The following TMEM120B variants were observed in gnomAD, a reference collection of about 807,000 sequenced individuals.
The protein encoded by TMEM120B is transmembrane protein 120B.
TMEM120B carries 31 observed loss-of-function variants against 55.5 expected under a neutral mutation model. The ratio of observed to expected loss-of-function variants is 0.56; its 90% CI spans 0.42 to 0.75. The LOEUF (loss-of-function observed/expected upper bound fraction) is 0.75, where lower values mean the gene tolerates loss of function less well. TMEM120B is among the 30% of genes least tolerant of loss of function. TMEM120B has a pLI of 0.00. For missense variants in TMEM120B, 399 were observed against 425.5 expected, an observed-to-expected ratio of 0.94 and a Z score of 0.55; for synonymous variants, 203 against 176.3, an observed-to-expected ratio of 1.15 and a Z score of -1.20.
chr12:121,719,412 C>T (rs546319436), intron 1 of TMEM120B, among the ~76,000 whole-genome samples: 1 of 152,054 alleles, frequency 6.6e-6, no homozygotes, highest in Non-Finnish European at 1.5e-5. Flanking sequence ...TAGTAAGACC[C>T]TGACTCTACA....
At position 121,780,840 on chromosome 12, in the gene TMEM120B, G is replaced by T. The variant is rs531030710; in HGVS notation, c.*5118G>T. 1 of 1,600,228 alleles carries T rather than the reference G, an allele frequency of 6.2e-7. No individual in the cohort carries two copies. On this transcript the variant is annotated 3_prime_UTR_variant, in exon 12 of 12. Transcript: ENST00000449592. ...AAGGTCCGGGAGGCTTCACAGCCAC[G>T]GCTGTGCCCCAGGGTCTTGGCCCCG...
intron 8 of TMEM120B, among the ~76,000 whole-genome samples, chr12:121,772,996 T>C (rs781584788): frequency 2.0e-5 from 3 of 152,238 alleles, no homozygotes; most frequent in Non-Finnish European, 2.9e-5. Flanking sequence ...TTATCATGGC[T>C]ATTTTTCATG....
At chr12:121,742,826 C>T (rs1352925351) in intron 1 of TMEM120B, among the ~76,000 whole-genome samples, 2 of 152,144 alleles carry the variant, frequency 1.3e-5, no homozygotes, top group Admixed American at 6.5e-5. Flanking sequence ...CTACCTGCCT[C>T]AGCCTCCCAA....
At chr12:121,737,560 C>G (rs1329119529) in intron 1 of TMEM120B, among the ~76,000 whole-genome samples, 2 of 151,966 alleles carry the variant, frequency 1.3e-5, no homozygotes, top group Non-Finnish European at 2.9e-5. Flanking sequence ...CGTTGGGACT[C>G]AGGTTAGTTT....
At chr12:121,735,693 G>A (rs1193417698) in intron 1 of TMEM120B, among the ~76,000 whole-genome samples, 10 of 149,586 alleles carry the variant, frequency 6.7e-5, no homozygotes, top group African/African-American at 1.2e-4. Flanking sequence ...CACCGTGCCC[G>A]GCCTTTTTTT....
intron 1 of TMEM120B, among the ~76,000 whole-genome samples, 163 bp downstream of exon 1, chr12:121,713,127 C>T (rs1217756635): frequency 6.6e-6 from 1 of 151,674 alleles, no homozygotes; most frequent in African/African-American, 2.4e-5. Flanking sequence ...CCTCCCATCA[C>T]CCGGCGCTTC....
chr12:121,747,166 C>T (rs1873111614), intron 2 of TMEM120B, among the ~76,000 whole-genome samples: 1 of 152,012 alleles, frequency 6.6e-6, no homozygotes, highest in Admixed American at 6.6e-5. Context: ...TAAGGACTTT[C>T]TGAAAGTCAC....
chr12:121,712,902 G>C lies in TMEM120B; in HGVS notation c.7G>C (p.Gly3Arg). MS[G>R]QLERCEREWH... ...CGCCTTGCACCATCGCATCATGTCC[G>C]GGCAGCTGGAGCGTTGCGAGCGCGA... The change falls in exon 1 of 12, where the codon GGG becomes CGG. Residue 3 changes from glycine (G) to arginine (R), a missense_variant. Gly to Arg is a moderately radical substitution (Grantham distance 125). Coordinates refer to ENST00000449592, the MANE Select transcript of TMEM120B (RefSeq NM_001080825.2). The C allele has an allele frequency of 6.5e-7, 1 of 1,530,216 alleles. No homozygotes were observed. Among genetic ancestry groups the C allele is most frequent in the Non-Finnish European group, 8.7e-7 (1 of 1,145,496 alleles). The allele number at this position is 1,530,216 out of a possible 1,614,324, so 94.8% of individuals were successfully genotyped here.
chr12:121,743,777 C>T, intron 2 of TMEM120B, 30 bp downstream of exon 2: 1 of 1,533,256 alleles, frequency 6.5e-7, no homozygotes, highest in South Asian at 1.1e-5. Context: ...GGGGGCTGCC[C>T]TGGTTCTGAG....
At chr12:121,769,252 C>A (rs1873950551) in intron 6 of TMEM120B, among the ~76,000 whole-genome samples, 1 of 151,760 alleles carries the variant, frequency 6.6e-6, no homozygotes, top group Admixed American at 6.6e-5. Flanking sequence ...AGATGAAGTC[C>A]AGGGCTGGGC....
chr12:121,769,694 C>G (rs1178799473), intron 6 of TMEM120B, among the ~76,000 whole-genome samples: 1 of 147,776 alleles, frequency 6.8e-6, no homozygotes, highest in Non-Finnish European at 1.5e-5. Flanking sequence ...CAGAGTGAGA[C>G]CCTGCCTGGA....
chr12:121,739,936 G>A (rs188972058), intron 1 of TMEM120B, among the ~76,000 whole-genome samples: 1 of 150,436 alleles, frequency 6.6e-6, no homozygotes, highest in East Asian at 2.0e-4. Flanking sequence ...CCGCCACCAT[G>A]CCCGGCTAAT....
chr12:121,771,429 G>A, intron 7 of TMEM120B, 59 bp from the exon 8 acceptor site: 1 of 1,439,946 alleles, frequency 6.9e-7, no homozygotes, highest in South Asian at 1.1e-5. Context: ...GTTGGGGCGG[G>A]GAGGAATGTC....
rs1188909313 is a variant in TMEM120B at position 121,780,120 on chromosome 12, C to T, written c.*4398C>T. ...TTACCCAGGCTGGAGTGCAATGGCG[C>T]GATCTTGGTTCATCACAACCTCTGC... On this transcript the variant is annotated 3_prime_UTR_variant, in exon 12 of 12. Transcript: ENST00000449592. The T allele has an allele frequency of 1.3e-5, 2 of 159,092 alleles. No individual in the cohort carries two copies. The highest frequency in any genetic ancestry group is 2.8e-5 in the Non-Finnish European group (2 of 71,424). 9.9% of individuals were successfully genotyped at this position (159,092 alleles called of 1,614,324 possible).
At chr12:121,736,196 G>A (rs374395417) in intron 1 of TMEM120B, among the ~76,000 whole-genome samples, 5 of 146,096 alleles carry the variant, frequency 3.4e-5, no homozygotes, top group South Asian at 4.4e-4. Context: ...TTTTTAAGAC[G>A]GCGTGTCTCG....
chr12:121,768,925 C>T (rs1873934526), intron 6 of TMEM120B, among the ~76,000 whole-genome samples: 1 of 152,002 alleles, frequency 6.6e-6, no homozygotes, highest in Non-Finnish European at 1.5e-5. Flanking sequence ...GCAGGTGGAT[C>T]CCCTGAGGTC....
chr12:121,781,373 A>G lies in TMEM120B; in HGVS notation c.*5651A>G. On this transcript the variant is annotated 3_prime_UTR_variant, in exon 12 of 12. Coordinates refer to ENST00000449592, the MANE Select transcript of TMEM120B (RefSeq NM_001080825.2). ...GTGGTCGCAGCTACTCGGGAGGCTG[A>G]GGCCGGAGGATCGCTTGAGCCCAGG... The G allele has an allele frequency of 1.7e-6, 1 of 588,874 alleles. No individual in the cohort carries two copies. Among genetic ancestry groups the G allele is most frequent in the Non-Finnish European group, 3.0e-6 (1 of 332,550 alleles). The allele number at this position is 588,874 out of a possible 1,614,324, so 36.5% of individuals were successfully genotyped here. A position where few individuals can be genotyped will look rare whatever the true frequency, so the allele number is the denominator to read the frequency against.
intron 5 of TMEM120B, among the ~76,000 whole-genome samples, chr12:121,757,197 T>G (rs1873504482): frequency 6.6e-6 from 1 of 151,796 alleles, no homozygotes; most frequent in Non-Finnish European, 1.5e-5. Flanking sequence ...AGTCTCACTC[T>G]GTCACCCAGG....
chr12:121,726,471 C>T (rs1214232951), intron 1 of TMEM120B, among the ~76,000 whole-genome samples: 2 of 149,814 alleles, frequency 1.3e-5, no homozygotes, highest in Non-Finnish European at 3.0e-5. Flanking sequence ...CCCAGCTACT[C>T]GGGAGGCTGA....
Sources: allele counts gnomAD v4.1 joint callset (sites outside exome capture counted in the v4.1 genomes callset), GRCh38; gene constraint gnomAD v4.1.1; transcripts MANE v1.5; gene names NCBI Gene and HGNC (gene_info 2026-07-23, HGNC 2026-07-21).